Variants in SEC31A observed in about 807,000 individuals in gnomAD.
SEC31A encodes SEC31 homolog A, COPII component.
SEC31A carries 70 observed loss-of-function variants against 151.0 expected under a neutral mutation model. The observed-to-expected ratio is 0.46, with a 90% CI of 0.38 to 0.57. The LOEUF (loss-of-function observed/expected upper bound fraction) is 0.57. SEC31A is among the 20% of genes least tolerant of loss of function. The probability of loss-of-function intolerance (pLI) is 0.00; values close to 1 mark genes in which losing one functional copy is unlikely to be tolerated. For missense variants in SEC31A, 1,330 were observed against 1,471.2 expected (o/e 0.90, Z 1.57); for synonymous variants, 475 against 505.9 (o/e 0.94, Z 0.82).
intron 20 of SEC31A, among the ~76,000 whole-genome samples, chr4:82,846,366 C>CATACTAATA (rs1553928450): frequency 7.1e-6 from 1 of 140,546 alleles, no homozygotes; most frequent in Non-Finnish European, 1.5e-5. Context: ...AACTCCAAAA[C>CATACTAATA]ATAATAATAA....
intron 23 of SEC31A, among the ~76,000 whole-genome samples, chr4:82,828,673 C>CAAAAAAAAAAAAA (rs397994259): frequency 7.2e-3 from 314 of 43,754 alleles, no homozygotes; most frequent in Non-Finnish European, 8.7e-3. Flanking sequence ...CAAAGTAACT[C>CAAAAAAAAAAAAA]AAAAAAAAAA....
chr4:82,865,742 T>C (rs773454778), intron 10 of SEC31A, among the ~76,000 whole-genome samples: 20 of 151,926 alleles, frequency 1.3e-4, no homozygotes, highest in Non-Finnish European at 2.5e-4. Flanking sequence ...AGAAAACTCC[T>C]AGCAACAAAG....
chr4:82,820,854 A>G (rs1246218166), intron 26 of SEC31A, among the ~76,000 whole-genome samples, 183 bp downstream of exon 26: 4 of 152,086 alleles, frequency 2.6e-5, no homozygotes, highest in Non-Finnish European at 5.9e-5. Flanking sequence ...ACACACACAC[A>G]CACACCCGTA....
At chr4:82,887,500 G>T (rs550569134) in intron 1 of SEC31A, among the ~76,000 whole-genome samples, 1 of 152,172 alleles carries the variant, frequency 6.6e-6, no homozygotes, top group African/African-American at 2.4e-5. Flanking sequence ...AGAGCATGGG[G>T]TCTAGGGCAG....
intron 6 of SEC31A, 115 bp from the exon 7 acceptor site, chr4:82,872,201 A>G (rs143335180): frequency 1.1e-5 from 9 of 792,534 alleles, no homozygotes; most frequent in Non-Finnish European, 1.8e-5. Context: ...GCTGTGGCTT[A>G]TTTTATTTAT....
chr4:82,891,065 CA>C, intron 1 of SEC31A, 22 bp downstream of exon 1: 1 of 1,535,868 alleles, frequency 6.5e-7, no homozygotes, highest in African/African-American at 1.4e-5. Context: ...GCGAAGAGGA[CA>C]AAAAGCAACG....
chr4:82,853,579 C>A lies in SEC31A; in HGVS notation c.2145G>T (p.Leu715Phe). The A allele has an allele frequency of 6.3e-7, 1 of 1,576,798 alleles. No homozygotes were observed. The highest frequency in any genetic ancestry group is 1.2e-5 in the South Asian group (1 of 83,638). ...GTTTCAAAGATACTACCTGAAGTGA[C>A]AAAGGGTGGCTTCCATCTTGAGCTT... ...WTKAQDGSHP[L>F]SLQDLIEKVV... The change falls in exon 18 of 27, where the codon TTG becomes TTT. Residue 715 changes from leucine to phenylalanine, a missense_variant. Physicochemically the swap from Leu to Phe is conservative, Grantham distance 22. Coordinates refer to ENST00000395310, the MANE Select transcript of SEC31A (RefSeq NM_001077207.4).
intron 15 of SEC31A, 82 bp from the exon 16 acceptor site, chr4:82,857,212 T>G: frequency 8.6e-7 from 1 of 1,164,660 alleles, no homozygotes; most frequent in Non-Finnish European, 1.2e-6. Context: ...TCTATCAATT[T>G]TTATATATAT....
At chr4:82,862,472 T>A in intron 13 of SEC31A, 62 bp downstream of exon 13, 1 of 1,236,670 alleles carries the variant, frequency 8.1e-7, no homozygotes, top group Non-Finnish European at 1.2e-6. Flanking sequence ...AAATGATATT[T>A]CCTTCTTCGT....
At chr4:82,855,148 A>T (rs4693056) in intron 16 of SEC31A, 119 bp from the exon 17 acceptor site, 620,338 of 833,584 alleles carry the variant, frequency 0.74, 237,200 homozygotes, top group Admixed American at 0.8. Flanking sequence ...ATGAAGTATA[A>T]TTTTGAATCA....
At chr4:82,871,414 T>G (rs1736644870) in intron 7 of SEC31A, 1 of 1,516,680 alleles carries the variant, frequency 6.6e-7, no homozygotes, top group African/African-American at 1.4e-5. Flanking sequence ...TTACTTAATT[T>G]AGGAACTGTG....
intron 22 of SEC31A, among the ~76,000 whole-genome samples, chr4:82,837,210 A>G (rs1727592002): frequency 8.3e-6 from 1 of 119,986 alleles, no homozygotes; most frequent in East Asian, 2.5e-4. Flanking sequence ...ATTTCACCAC[A>G]ATAAAAACTT....
At chr4:82,830,928 C>T in intron 22 of SEC31A, 3 of 1,195,644 alleles carry the variant, frequency 2.5e-6, no homozygotes, top group Non-Finnish European at 3.2e-6. Flanking sequence ...TATTTTACAA[C>T]CAATTCACCT....
At chr4:82,898,145 A>G (rs1335242977) in intron 3 of SEC31A, 1 of 152,222 alleles carries the variant, frequency 6.6e-6, no homozygotes, top group Non-Finnish European at 1.5e-5. Context: ...TACAGCTTAC[A>G]TATCCTCATT....
rs756031564 is a variant in SEC31A, at chr4:82,855,007, T to C, written c.1904A>G (p.Lys635Arg). 1 of 1,613,210 alleles carries C rather than the reference T, an allele frequency of 6.2e-7. No homozygotes were observed. Among genetic ancestry groups the C allele is most frequent in the Non-Finnish European group, 8.5e-7 (1 of 1,179,658 alleles). ...AGACTCAACAATCTCTTTCCAGTTC[T>C]TCATCACCACTGCAGTGATGAGCTT... ...ITRLITAVVM[K>R]NWKEIVESCD... Residue 635 changes from lysine to arginine, a missense_variant, in exon 17 of 27, where the codon AAG becomes AGG. Coordinates refer to ENST00000395310, the MANE Select transcript of SEC31A (RefSeq NM_001077207.4).
At chr4:82,871,593 T>C in intron 7 of SEC31A, 2 of 591,800 alleles carry the variant, frequency 3.4e-6, no homozygotes, top group Non-Finnish European at 5.9e-6. Flanking sequence ...CTGGCCAACA[T>C]GGTAAAACCC....
chr4:82,835,395 C>T (rs1319350712), intron 22 of SEC31A, among the ~76,000 whole-genome samples: 2 of 152,146 alleles, frequency 1.3e-5, no homozygotes, highest in African/African-American at 4.8e-5. Flanking sequence ...CTCCCCTATC[C>T]TTTTTTAACT....
intron 23 of SEC31A, among the ~76,000 whole-genome samples, chr4:82,828,103 T>TG (rs1343906877): frequency 1.3e-5 from 2 of 152,034 alleles, no homozygotes; most frequent in Non-Finnish European, 2.9e-5. Flanking sequence ...TTAGTAGAGA[T>TG]GGGGTTTGAC....
intron 22 of SEC31A, among the ~76,000 whole-genome samples, chr4:82,840,144 T>C (rs1728405133): frequency 1.3e-5 from 2 of 152,228 alleles, no homozygotes; most frequent in Non-Finnish European, 2.9e-5. Flanking sequence ...AGTTTTTTCA[T>C]CTGTAATTTT....
Sources: gnomAD v4.1 joint callset for allele counts (sites outside exome capture counted in the v4.1 genomes callset) on GRCh38, gnomAD v4.1.1 for gene constraint, MANE v1.5 for transcripts, NCBI Gene and HGNC (gene_info 2026-07-23, HGNC 2026-07-21) for gene names.